COPG2: variants seen among roughly 807,000 people sequenced by gnomAD.
COPG2 encodes the protein coat protein complex I subunit gamma 2.
Under a neutral mutation model 46.3 loss-of-function variants are expected in COPG2, and 37 were observed. The observed-to-expected ratio is 0.80, with a 90% CI of 0.61 to 1.05. The LOEUF is 1.05. Among genes scored for constraint, COPG2 ranks in the 50% least tolerant of loss-of-function variants. COPG2 has a pLI of 0.00. For synonymous variants in COPG2, 159 were observed against 129.7 expected (o/e 1.23, Z -1.53); for missense variants, 427 against 387.8 (o/e 1.10, Z -0.85).
rs1554457963 is a variant in COPG2 at position 130,645,186 on chromosome 7, CAG to C, written c.323+7681_323+7682del. Reference sequence around the variant, plus strand: ...TATGGTCCTCATGCTTCCACGTATTCAGAGAGTACCCCCTTTCCAGAATGAGC... The same window carrying C: ...TATGGTCCTCATGCTTCCACGTATTCAGAGTACCCCCTTTCCAGAATGAGC... On this transcript the variant is annotated intron_variant, in intron 5 of 23. Coordinates refer to ENST00000425248, the MANE Select transcript of COPG2 (RefSeq NM_012133.6). The C allele has an allele frequency of 1.3e-5, 8 of 636,118 alleles. No individual in the cohort carries two copies. The Admixed American group carries it at 1.3e-4, about 11-fold the overall frequency. The allele number at this position is 636,118 out of a possible 1,614,324, so 39.4% of individuals were successfully genotyped here.
At chr7:130,576,569 C>A (rs901012299) in intron 9 of COPG2, among the ~76,000 whole-genome samples, 1 of 152,140 alleles carries the variant, frequency 6.6e-6, no homozygotes, top group East Asian at 1.9e-4. Context: ...AAAGGCAGTG[C>A]TAAGAGGAAA....
intron 20 of COPG2, 148 bp downstream of exon 20, chr7:130,547,526 T>TCA: frequency 2.5e-6 from 1 of 396,136 alleles, no homozygotes; most frequent in Non-Finnish European, 4.4e-6. Flanking sequence ...ATATATATAT[T>TCA]CACACACACA....
intron 4 of COPG2, among the ~76,000 whole-genome samples, chr7:130,656,233 G>T (rs1554459898): frequency 6.7e-6 from 1 of 148,688 alleles, no homozygotes. Flanking sequence ...CGCACAATTA[G>T]TTTGGAAGAG....
intron 5 of COPG2, among the ~76,000 whole-genome samples, chr7:130,621,231 T>C (rs1040939607): frequency 1.1e-4 from 16 of 152,222 alleles, no homozygotes; most frequent in Non-Finnish European, 2.4e-4. Context: ...GCTCTGCCTA[T>C]ACTTCTGACA....
chr7:130,513,341 A>ATATATATATATATATATATGTGTG (rs1215646008), intron 20 of COPG2, among the ~76,000 whole-genome samples: 2 of 51,548 alleles, frequency 3.9e-5, no homozygotes, highest in African/African-American at 5.6e-5. Flanking sequence ...ATATATATAT[A>ATATATATATATATATATATGTGTG]TGTGTGTGTG....
intron 17 of COPG2, among the ~76,000 whole-genome samples, chr7:130,549,770 C>T (rs1793505956): frequency 6.6e-6 from 1 of 152,056 alleles, no homozygotes; most frequent in Non-Finnish European, 1.5e-5. Context: ...TGTGTTCTAA[C>T]CACTAAACAT....
chr7:130,549,628 C>T (rs1793504535), intron 17 of COPG2, among the ~76,000 whole-genome samples: 1 of 151,984 alleles, frequency 6.6e-6, no homozygotes, highest in African/African-American at 2.4e-5. Flanking sequence ...CTGGAATGTA[C>T]AAAAATTACT....
chr7:130,509,305 G>A (rs781896423), intron 20 of COPG2: 7 of 513,050 alleles, frequency 1.4e-5, no homozygotes, highest in African/African-American at 1.2e-4. Context: ...ATAAGAAATG[G>A]AGGTGGGGGT....
At chr7:130,573,554 A>G (rs1414619138) in intron 9 of COPG2, among the ~76,000 whole-genome samples, 1 of 152,064 alleles carries the variant, frequency 6.6e-6, no homozygotes, top group Non-Finnish European at 1.5e-5. Flanking sequence ...ATCACATTAT[A>G]TATTACATTA....
At position 130,583,805 on chromosome 7, in the gene COPG2, CAAAAAAAAAAAAA is replaced by C. The variant is rs1168370976; in HGVS notation, c.738-19425_738-19413del. 9.3e-3 allele frequency among the ~76,000 whole-genome samples: 115 copies of C among 12,358 alleles called. 1 individual carries two copies. Among genetic ancestry groups the C allele is most frequent in the African/African-American group, 0.033 (104 of 3,184 alleles). The allele number at this position is 12,358 out of a possible 152,430, so 8.1% of individuals were successfully genotyped here. A position where few individuals can be genotyped will look rare whatever the true frequency, so the allele number is the denominator to read the frequency against. ...CTGGCAACAGAGCGAGACTCCATCT[CAAAAAAAAAAAAA>C]AAAAAAAAAAAAAAAAAGTCCAGGA... On this transcript the variant is annotated intron_variant, in intron 9 of 23. Coordinates refer to ENST00000425248, the MANE Select transcript of COPG2 (RefSeq NM_012133.6).
intron 20 of COPG2, among the ~76,000 whole-genome samples, chr7:130,545,944 ACTT>A (rs1793436033): frequency 1.5e-4 from 23 of 152,276 alleles, no homozygotes; most frequent in Non-Finnish European, 1.5e-5. Context: ...ATAAAATTAT[ACTT>A]CTTAGATTCC....
At chr7:130,521,628 T>C (rs1799724552) in intron 20 of COPG2, among the ~76,000 whole-genome samples, 2 of 152,202 alleles carry the variant, frequency 1.3e-5, no homozygotes, top group African/African-American at 4.8e-5. Flanking sequence ...AAAAATAAGA[T>C]TTGCCACTAT....
At chr7:130,609,277 C>T (rs191857295) in intron 9 of COPG2, among the ~76,000 whole-genome samples, 1 of 152,186 alleles carries the variant, frequency 6.6e-6, no homozygotes, top group Non-Finnish European at 1.5e-5. Flanking sequence ...ATGGGAGGGA[C>T]CAAGTGGGAG....
At chr7:130,645,215 A>T (rs1271813406) in intron 5 of COPG2, 2 of 701,422 alleles carry the variant, frequency 2.9e-6, no homozygotes, top group African/African-American at 3.6e-5. Context: ...AGAATGAGCT[A>T]CTCGGCTGTG....
chr7:130,652,840 C>G (rs782745546), intron 5 of COPG2, 29 bp downstream of exon 5: 49 of 1,396,636 alleles, frequency 3.5e-5, no homozygotes, highest in Non-Finnish European at 4.4e-5. Context: ...ATATAAGTAT[C>G]TCATCCTAGA....
intron 12 of COPG2, among the ~76,000 whole-genome samples, chr7:130,558,541 A>C (rs1327230061): frequency 6.6e-6 from 1 of 152,202 alleles, no homozygotes; most frequent in Non-Finnish European, 1.5e-5. Flanking sequence ...CAACATACTA[A>C]TACAGAAGAT....
intron 9 of COPG2, among the ~76,000 whole-genome samples, chr7:130,604,249 GA>G (rs1465188570): frequency 2.0e-5 from 3 of 152,166 alleles, no homozygotes; most frequent in Non-Finnish European, 4.4e-5. Flanking sequence ...TTATTTATAA[GA>G]AGCCAATTGG....
intron 3 of COPG2, among the ~76,000 whole-genome samples, chr7:130,665,661 T>C (rs1796062528): frequency 6.6e-6 from 1 of 152,014 alleles, no homozygotes; most frequent in African/African-American, 2.4e-5. Context: ...TATGTGTAGG[T>C]TATATGCAAA....
At chr7:130,560,275 T>C (rs1049733698) in intron 12 of COPG2, among the ~76,000 whole-genome samples, 22 of 152,218 alleles carry the variant, frequency 1.4e-4, no homozygotes, top group Non-Finnish European at 2.5e-4. Context: ...TATTTAGATA[T>C]AAATTTAACA....
Sources: allele counts gnomAD v4.1 joint callset (sites outside exome capture counted in the v4.1 genomes callset), GRCh38; gene constraint gnomAD v4.1.1; transcripts MANE v1.5; gene names NCBI Gene and HGNC (gene_info 2026-07-23, HGNC 2026-07-21).